RECK: variants seen among roughly 807,000 people sequenced by gnomAD.
RECK encodes reversion inducing cysteine rich protein with kazal motifs.
In RECK, 69 loss-of-function variants were observed where a neutral mutation model predicts 115.1. The observed-to-expected ratio is 0.60, with a 90% CI of 0.49 to 0.73. The LOEUF (loss-of-function observed/expected upper bound fraction) is 0.73, where lower values mean the gene tolerates loss of function less well. RECK is among the 30% of genes least tolerant of loss of function. The pLI, the probability that RECK is intolerant of heterozygous loss-of-function variation, is 0.00. For synonymous variants in RECK, 414 were observed against 419.7 expected, an observed-to-expected ratio of 0.99 and a Z score of 0.17; for missense variants, 1,047 against 1,203.7, an observed-to-expected ratio of 0.87 and a Z score of 1.93.
Position 36,109,901 on chromosome 9 carries a change from G to A in RECK, c.1766-56G>A, listed in dbSNP as rs116454353. ...TGTTGAACTATTAAAATTGTAATAC[G>A]TGCTCTATTTCTCAATGCATGATAT... On this transcript the variant is annotated intron_variant, in intron 14 of 20. Transcript: ENST00000377966. 1.6e-3 allele frequency: 2,290 copies of A among 1,469,296 alleles called. 26 individuals carry two copies. In the African/African-American group the frequency reaches 0.023, roughly 15 times the overall value. The allele number at this position is 1,469,296 out of a possible 1,614,324, so 91.0% of individuals were successfully genotyped here.
chr9:36,053,001 T>A (rs1403260172), intron 2 of RECK, among the ~76,000 whole-genome samples: 1 of 152,216 alleles, frequency 6.6e-6, no homozygotes, highest in African/African-American at 2.4e-5. Flanking sequence ...AGGAGATACA[T>A]ACTAGGATTT....
At chr9:36,058,102 T>G (rs1031629614) in intron 2 of RECK, among the ~76,000 whole-genome samples, 2 of 150,676 alleles carry the variant, frequency 1.3e-5, no homozygotes, top group Non-Finnish European at 3.0e-5. Context: ...TGGCGATTCC[T>G]CAGGGATCTA....
chr9:36,089,031 T>C (rs80325406), intron 9 of RECK, among the ~76,000 whole-genome samples: 1 of 151,892 alleles, frequency 6.6e-6, no homozygotes, highest in Non-Finnish European at 1.5e-5. Context: ...CAAAATAAAT[T>C]AATTAATTAA....
chr9:36,042,423 AGTGT>A (rs35193636), intron 1 of RECK, among the ~76,000 whole-genome samples: 25,607 of 144,136 alleles, frequency 0.18, 2,672 homozygotes, highest in African/African-American at 0.31. Context: ...AGTATTCCAT[AGTGT>A]GTGTGTGTGT....
intron 6 of RECK, among the ~76,000 whole-genome samples, chr9:36,076,488 T>G (rs1822456048): frequency 6.6e-6 from 1 of 152,142 alleles, no homozygotes; most frequent in South Asian, 2.1e-4. Flanking sequence ...TGTGCCAGGT[T>G]TGCCCACAGT....
chr9:36,072,852 G>GT (rs1272941475), intron 6 of RECK: 1 of 152,142 alleles, frequency 6.6e-6, no homozygotes, highest in African/African-American at 2.4e-5. Context: ...TGCTGCTAGT[G>GT]TATTTCCTTT....
chr9:36,044,890 A>C (rs138473339), intron 1 of RECK, among the ~76,000 whole-genome samples: 1 of 152,282 alleles, frequency 6.6e-6, no homozygotes, highest in East Asian at 1.9e-4. Context: ...AAATTTTAGA[A>C]TTGGAATAGC....
intron 2 of RECK, among the ~76,000 whole-genome samples, chr9:36,058,243 G>A (rs1821610299): frequency 6.6e-6 from 1 of 151,860 alleles, no homozygotes; most frequent in Non-Finnish European, 1.5e-5. Context: ...CAAAGACTTG[G>A]AACCAACCCA....
chr9:36,045,769 T>C (rs866416663), intron 1 of RECK, among the ~76,000 whole-genome samples: 86 of 152,272 alleles, frequency 5.6e-4, no homozygotes, highest in Middle Eastern at 3.4e-3. Context: ...GCTAGTTGGC[T>C]TTAGAAGCTG....
chr9:36,041,146 A>C (rs763708126), intron 1 of RECK, among the ~76,000 whole-genome samples: 9 of 152,236 alleles, frequency 5.9e-5, no homozygotes, highest in Non-Finnish European at 1.3e-4. Context: ...TTCACCCCAA[A>C]ATGTATAATA....
chr9:36,051,026 G>GTA (rs1379178673), intron 1 of RECK, among the ~76,000 whole-genome samples: 1 of 151,984 alleles, frequency 6.6e-6, no homozygotes, highest in Non-Finnish European at 1.5e-5. Flanking sequence ...ATATGTATGT[G>GTA]TATATATACA....
intron 1 of RECK, among the ~76,000 whole-genome samples, chr9:36,047,461 C>A (rs1266984015): frequency 6.6e-6 from 1 of 151,984 alleles, no homozygotes; most frequent in African/African-American, 2.4e-5. Context: ...ATACAATTAG[C>A]CGGGCATGGT....
chr9:36,081,001 T>G (rs1003637783), intron 7 of RECK, among the ~76,000 whole-genome samples: 1 of 152,162 alleles, frequency 6.6e-6, no homozygotes, highest in African/African-American at 2.4e-5. Context: ...CAAAGAATGC[T>G]GGGATATGGT....
At position 36,089,267 on chromosome 9, in the gene RECK, G is replaced by A. The variant is rs182813526; in HGVS notation, c.905+1306G>A. ...TTTACACCTACGTAGAGTCACTAGA[G>A]GTTGGAATGGCCGTGTTGTCCCAAA... On this transcript the variant is annotated intron_variant, in intron 9 of 20. Coordinates refer to ENST00000377966, the MANE Select transcript of RECK (RefSeq NM_021111.3). Among the ~76,000 whole-genome samples the A allele has an allele frequency of 1.6e-3, 244 of 152,254 alleles. 3 individuals carry two copies. Among genetic ancestry groups the A allele is most frequent in the Non-Finnish European group, 7.8e-4 (53 of 68,028 alleles).
intron 4 of RECK, among the ~76,000 whole-genome samples, chr9:36,061,455 A>T (rs960319090): frequency 1.4e-5 from 2 of 144,762 alleles, no homozygotes; most frequent in African/African-American, 5.0e-5. Context: ...AACAAACTGT[A>T]ATCTCCCAAA....
chr9:36,040,425 A>G (rs1233765194), intron 1 of RECK, among the ~76,000 whole-genome samples: 4 of 152,134 alleles, frequency 2.6e-5, no homozygotes, highest in Admixed American at 2.0e-4. Flanking sequence ...CAGAAGCCTT[A>G]AGGCATAAGG....
At chr9:36,048,566 T>G (rs925170529) in intron 1 of RECK, among the ~76,000 whole-genome samples, 1 of 152,096 alleles carries the variant, frequency 6.6e-6, no homozygotes, top group Non-Finnish European at 1.5e-5. Context: ...TATTTTCAGA[T>G]CTAATCACTA....
intron 13 of RECK, among the ~76,000 whole-genome samples, chr9:36,107,555 A>C (rs975771501): frequency 1.3e-5 from 2 of 151,524 alleles, no homozygotes; most frequent in African/African-American, 2.4e-5. Context: ...CACTGAGCCA[A>C]GATCGTGCCA....
chr9:36,120,609 A>T, intron 18 of RECK, 54 bp from the exon 19 acceptor site: 3 of 1,403,932 alleles, frequency 2.1e-6, no homozygotes, highest in East Asian at 2.3e-5. Context: ...TAAGGATTTT[A>T]AATTCTCTTT....
Sources: gnomAD v4.1 joint callset for allele counts (sites outside exome capture counted in the v4.1 genomes callset) on GRCh38, gnomAD v4.1.1 for gene constraint, MANE v1.5 for transcripts, NCBI Gene and HGNC (gene_info 2026-07-23, HGNC 2026-07-21) for gene names.